Variants in LLPH observed in about 807,000 individuals in gnomAD.
The protein encoded by LLPH is LLP homolog, long-term synaptic facilitation factor.
Under a neutral mutation model 13.3 loss-of-function variants are expected in LLPH, and 5 were observed. The observed-to-expected ratio is 0.38, with a 90% CI of 0.20 to 0.79. The LOEUF (loss-of-function observed/expected upper bound fraction) is 0.79, where lower values mean the gene tolerates loss of function less well. Ranked by LOEUF, LLPH falls within the 30% of genes least tolerant of loss-of-function variation. LLPH has a pLI of 0.45. For missense variants in LLPH, 129 were observed against 152.1 expected (o/e 0.85, Z 0.80); for synonymous variants, 32 against 44.2 (o/e 0.72, Z 1.09).
intron 2 of LLPH, among the ~76,000 whole-genome samples, chr12:66,128,609 C>G (rs2051512211): frequency 1.3e-5 from 2 of 152,160 alleles, no homozygotes; most frequent in South Asian, 4.2e-4. Context: ...GTATAAGCAC[C>G]AAAGACCCAC....
At chr12:66,124,451 C>A (rs1163686961) in intron 2 of LLPH, among the ~76,000 whole-genome samples, 1 of 152,128 alleles carries the variant, frequency 6.6e-6, no homozygotes, top group Non-Finnish European at 1.5e-5. Context: ...TAGTCAGCAG[C>A]AGGGTTGTAA....
At chr12:66,129,979 C>A (rs1288705386) in intron 1 of LLPH, among the ~76,000 whole-genome samples, 1 of 152,150 alleles carries the variant, frequency 6.6e-6, no homozygotes, top group Non-Finnish European at 1.5e-5. Context: ...CATATATATT[C>A]AAGATCTACA....
intron 1 of LLPH, 128 bp from the exon 2 acceptor site, chr12:66,129,241 G>A (rs963225458): frequency 1.2e-5 from 8 of 652,672 alleles, no homozygotes; most frequent in Admixed American, 2.9e-5. Flanking sequence ...TCTTCAATCT[G>A]TTCACTTTTT....
In LLPH at chr12:66,121,175, G is replaced by A. The variant is rs2051460329; in HGVS notation, c.*2665C>T. On this transcript the variant is annotated 3_prime_UTR_variant, in exon 3 of 3. Transcript: ENST00000266604. The stretch of plus-strand genomic sequence containing the variant: ...TACTATCAACAGAATCAAATTAGAG[G>A]TTATCAGCCACAGAAAACATGAACA... 1 of 151,868 alleles carries A rather than the reference G, an allele frequency of 6.6e-6. No individual in the cohort carries two copies. The highest frequency in any genetic ancestry group is 1.5e-5 in the Non-Finnish European group (1 of 68,020). 9.4% of individuals were successfully genotyped at this position (151,868 alleles called of 1,614,324 possible).
At chr12:66,126,333 A>C (rs1344190800) in intron 2 of LLPH, among the ~76,000 whole-genome samples, 3 of 130,348 alleles carry the variant, frequency 2.3e-5, no homozygotes. Context: ...CAAAAAAAAA[A>C]AGTAAAAAAA....
chr12:66,126,980 A>G (rs1390112766), intron 2 of LLPH, among the ~76,000 whole-genome samples: 1 of 152,090 alleles, frequency 6.6e-6, no homozygotes, highest in Non-Finnish European at 1.5e-5. Context: ...CACTTCATTC[A>G]ATGTCATTAG....
chr12:66,126,808 G>A (rs902220527), intron 2 of LLPH, among the ~76,000 whole-genome samples: 8 of 151,922 alleles, frequency 5.3e-5, no homozygotes, highest in Non-Finnish European at 1.2e-4. Context: ...GCACACGCCT[G>A]TATTCCCAGC....
rs184207824 is a variant in LLPH, at chr12:66,119,873, C to T, written c.*3967G>A. On this transcript the variant is annotated 3_prime_UTR_variant, in exon 3 of 3. Transcript: ENST00000266604. ...ACTCTTAAGCCATATTCCAGAAACACGGATCCAAATTTTGAAAATATCTGA... is the reference window on the plus strand; with the variant it reads ...ACTCTTAAGCCATATTCCAGAAACATGGATCCAAATTTTGAAAATATCTGA... 9.9e-5 allele frequency: 15 copies of T among 152,258 alleles called. No individual in the cohort carries two copies. The highest frequency in any genetic ancestry group is 3.4e-3 in the Middle Eastern group (1 of 294). 9.4% of individuals were successfully genotyped at this position (152,258 alleles called of 1,614,324 possible). A position where few individuals can be genotyped will look rare whatever the true frequency, so the allele number is the denominator to read the frequency against.
rs1235460152 is a variant in LLPH, at chr12:66,120,263, A to T, written c.*3577T>A. The T allele has an allele frequency of 6.6e-6, 1 of 152,236 alleles. No homozygotes were observed. The highest frequency in any genetic ancestry group is 2.4e-5 in the African/African-American group (1 of 41,476). 9.4% of individuals were successfully genotyped at this position (152,236 alleles called of 1,614,324 possible). A position where few individuals can be genotyped will look rare whatever the true frequency, so the allele number is the denominator to read the frequency against. On this transcript the variant is annotated 3_prime_UTR_variant, in exon 3 of 3. Transcript: ENST00000266604. ...TGAGCCCACATGAACCCAATCTATC[A>T]CAGGTTGACCCAAAAATAGGTATTC...
In LLPH at chr12:66,121,838, T is replaced by C. The variant is rs954925662; in HGVS notation, c.*2002A>G. 2 of 148,034 alleles carry C rather than the reference T, an allele frequency of 1.4e-5. No individual in the cohort carries two copies. The highest frequency in any genetic ancestry group is 3.0e-5 in the Non-Finnish European group (2 of 67,258). The allele number at this position is 148,034 out of a possible 1,614,324, so 9.2% of individuals were successfully genotyped here. On this transcript the variant is annotated 3_prime_UTR_variant, in exon 3 of 3. Transcript: ENST00000266604. Reference sequence around the variant, plus strand: ...GGTGGAGGTTGCAGCGGAGCCACACTTGTGCCAATCACTCCAGCCTGGGTG... The same window carrying C: ...GGTGGAGGTTGCAGCGGAGCCACACCTGTGCCAATCACTCCAGCCTGGGTG...
Position 66,121,015 on chromosome 12 carries a change from T to C in LLPH, c.*2825A>G, listed in dbSNP as rs1317887446. ...CACTTGAGAACATGATTCCCAAATATGTTTTCTGGTAATGGTGCTTTGATT... is the reference window on the plus strand; with the variant it reads ...CACTTGAGAACATGATTCCCAAATACGTTTTCTGGTAATGGTGCTTTGATT... On this transcript the variant is annotated 3_prime_UTR_variant, in exon 3 of 3. Coordinates refer to ENST00000266604, the MANE Select transcript of LLPH (RefSeq NM_032338.4). 1 of 152,216 alleles carries C rather than the reference T, an allele frequency of 6.6e-6. No individual in the cohort carries two copies. Among genetic ancestry groups the C allele is most frequent in the African/African-American group, 2.4e-5 (1 of 41,466 alleles). 9.4% of individuals were successfully genotyped at this position (152,216 alleles called of 1,614,324 possible).
At chr12:66,124,893 C>T (rs1480012712) in intron 2 of LLPH, among the ~76,000 whole-genome samples, 13 of 152,112 alleles carry the variant, frequency 8.5e-5, no homozygotes, top group Non-Finnish European at 1.8e-4. Flanking sequence ...ACACAGCAAA[C>T]AGAAAGAAAA....
rs139278081 is a variant in LLPH, at chr12:66,125,597, G to A, written c.212-1579C>T. On this transcript the variant is annotated intron_variant, in intron 2 of 2. Transcript: ENST00000266604. Reference sequence around the variant, plus strand: ...CCAGAATTCCCCAGGCAGGACATAAGATAATTTCTCTCTGGGGATGATGAG... The same window carrying A: ...CCAGAATTCCCCAGGCAGGACATAAAATAATTTCTCTCTGGGGATGATGAG... 3.0e-3 allele frequency among the ~76,000 whole-genome samples: 463 copies of A among 152,180 alleles called. 5 individuals carry two copies. Among genetic ancestry groups the A allele is most frequent in the African/African-American group, 0.011 (450 of 41,538 alleles).
In LLPH at chr12:66,122,126, A is replaced by C. The variant is rs1443518426; in HGVS notation, c.*1714T>G. The C allele has an allele frequency of 6.6e-6, 1 of 152,220 alleles. No homozygotes were observed. Among genetic ancestry groups the C allele is most frequent in the Non-Finnish European group, 1.5e-5 (1 of 68,036 alleles). The allele number at this position is 152,220 out of a possible 1,614,324, so 9.4% of individuals were successfully genotyped here. A position where few individuals can be genotyped will look rare whatever the true frequency, so the allele number is the denominator to read the frequency against. ...AAATTTTAAGCATTTAAAGTTATCT[A>C]CCAACTTTTCAATAAACTATTGAGA... On this transcript the variant is annotated 3_prime_UTR_variant, in exon 3 of 3. Coordinates refer to ENST00000266604, the MANE Select transcript of LLPH (RefSeq NM_032338.4).
chr12:66,117,184 AT>A lies in LLPH; in HGVS notation c.*6655del, dbSNP rs1416413719. On this transcript the variant is annotated 3_prime_UTR_variant, in exon 3 of 3. Transcript: ENST00000266604. ...TCTGCATTTGGGGCTTCGTCCTGAGATAAAAAATATTCAAAAGAAAACTACA... is the reference window on the plus strand; with the variant it reads ...TCTGCATTTGGGGCTTCGTCCTGAGAAAAAAATATTCAAAAGAAAACTACA... 1.1e-4 allele frequency: 17 copies of A among 152,336 alleles called. No homozygotes were observed. The highest frequency in any genetic ancestry group is 3.8e-4 in the African/African-American group (16 of 41,568). 9.4% of individuals were successfully genotyped at this position (152,336 alleles called of 1,614,324 possible).
In LLPH at chr12:66,128,743, C is replaced by T. The variant is rs145208421; in HGVS notation, c.211+153G>A. ...GCCTGTAACCCAGTGCTTTGGAAGGCTGAGGTGGGAAGAATCCGCTTCAGC... is the reference window on the plus strand; with the variant it reads ...GCCTGTAACCCAGTGCTTTGGAAGGTTGAGGTGGGAAGAATCCGCTTCAGC... On this transcript the variant is annotated intron_variant, in intron 2 of 2. Coordinates refer to ENST00000266604, the MANE Select transcript of LLPH (RefSeq NM_032338.4). 3.0e-4 allele frequency among the ~76,000 whole-genome samples: 46 copies of T among 151,188 alleles called. No individual in the cohort carries two copies. In the South Asian group the frequency reaches 5.4e-3, roughly 18 times the overall value.
chr12:66,127,977 G>A (rs947954106), intron 2 of LLPH, among the ~76,000 whole-genome samples: 3 of 152,196 alleles, frequency 2.0e-5, no homozygotes, highest in East Asian at 1.9e-4. Flanking sequence ...TGGCCTTGGA[G>A]AGAACATTAA....
chr12:66,126,844 T>C (rs4474482), intron 2 of LLPH, among the ~76,000 whole-genome samples: 48,076 of 151,596 alleles, frequency 0.32, 7,922 homozygotes, highest in South Asian at 0.41. Context: ...GGCAGGAGAA[T>C]TGCTTGAACC....
intron 2 of LLPH, among the ~76,000 whole-genome samples, chr12:66,127,713 G>A (rs2136830900): frequency 6.6e-6 from 1 of 152,350 alleles, no homozygotes. Flanking sequence ...GGTGATGTGT[G>A]TGTGAGGAAA....
Sources: allele counts gnomAD v4.1 joint callset (sites outside exome capture counted in the v4.1 genomes callset), GRCh38; gene constraint gnomAD v4.1.1; transcripts MANE v1.5; gene names NCBI Gene and HGNC (gene_info 2026-07-23, HGNC 2026-07-21).